Variants in PLA2G4C observed in about 807,000 individuals in gnomAD.
PLA2G4C encodes the protein phospholipase A2 group IVC, also known as cytosolic phospholipase A2 gamma.
Under a neutral mutation model 73.8 loss-of-function variants are expected in PLA2G4C, and 64 were observed. The observed-to-expected ratio is 0.87, with a 90% CI of 0.71 to 1.07. PLA2G4C has a LOEUF of 1.07. Among genes scored for constraint, PLA2G4C ranks in the 50% least tolerant of loss-of-function variants. The pLI is 0.00. For synonymous variants in PLA2G4C, 254 were observed against 252.1 expected (o/e 1.01, Z -0.07); for missense variants, 622 against 665.4 (o/e 0.93, Z 0.72).
intron 7 of PLA2G4C, 56 bp from the exon 8 acceptor site, chr19:48,090,473 T>C: frequency 7.7e-7 from 1 of 1,297,490 alleles, no homozygotes; most frequent in Non-Finnish European, 1.1e-6. Context: ...ACTGTCATGT[T>C]TGATATTCAA....
Position 48,054,877 on chromosome 19 carries a change from C to T in PLA2G4C, c.1429+1G>A. 6.2e-7 allele frequency: 1 copy of T among 1,613,922 alleles called. No homozygotes were observed. Among genetic ancestry groups the T allele is most frequent in the Non-Finnish European group, 8.5e-7 (1 of 1,179,922 alleles). On this transcript the variant is annotated splice_donor_variant, in intron 15 of 16. Transcript: ENST00000599921. LOFTEE classifies it high-confidence loss of function. ...CTCACCTGCTCCTCCCCTGCACCTA[C>T]CTCCACAGGCATCTATGTTGAACAG...
At chr19:48,076,735 T>C (rs1479262075) in intron 11 of PLA2G4C, among the ~76,000 whole-genome samples, 1 of 142,064 alleles carries the variant, frequency 7.0e-6, no homozygotes, top group Non-Finnish European at 1.5e-5. Flanking sequence ...ACGGCTAGAC[T>C]CTGTCTCCAA....
intron 14 of PLA2G4C, among the ~76,000 whole-genome samples, chr19:48,055,867 G>C (rs189750386): frequency 6.6e-6 from 1 of 151,884 alleles, no homozygotes; most frequent in Non-Finnish European, 1.5e-5. Flanking sequence ...CAGGTGATCC[G>C]CTCGTCTCAG....
Position 48,105,932 on chromosome 19 carries a change from TCCCTCCCTCCC to T in PLA2G4C, c.9-499_9-489del, listed in dbSNP as rs1568457540. ...CTCCCTCCCTCCCTCCCTCCCTCCC[TCCCTCCCTCCC>T]TCCCTTCTTTCTTTCTTTCTTTCTT... On this transcript the variant is annotated intron_variant, in intron 2 of 16. Transcript: ENST00000599921. Among the ~76,000 whole-genome samples the T allele has an allele frequency of 1.8e-3, 56 of 30,662 alleles. 7 individuals are homozygous for T. Among genetic ancestry groups the T allele is most frequent in the South Asian group, 2.2e-3 (1 of 448 alleles). 20.1% of individuals were successfully genotyped at this position (30,662 alleles called of 152,430 possible). A position where few individuals can be genotyped will look rare whatever the true frequency, so the allele number is the denominator to read the frequency against.
Position 48,110,594 on chromosome 19 carries a change from T to A in PLA2G4C, c.-140A>T, listed in dbSNP as rs2122192549. 2 of 390,954 alleles carry A rather than the reference T, an allele frequency of 5.1e-6. No individual in the cohort carries two copies. The highest frequency in any genetic ancestry group is 3.3e-6 in the Non-Finnish European group (1 of 300,450). The allele number at this position is 390,954 out of a possible 1,614,324, so 24.2% of individuals were successfully genotyped here. ...CTTAGCGGTGTAGTCGCTGGACAGCTCCTTCAGCCGGAATCTCCGCGGGTG... is the reference window on the plus strand; with the variant it reads ...CTTAGCGGTGTAGTCGCTGGACAGCACCTTCAGCCGGAATCTCCGCGGGTG... On this transcript the variant is annotated 5_prime_UTR_variant, in exon 1 of 17. Coordinates refer to ENST00000599921, the MANE Select transcript of PLA2G4C (RefSeq NM_003706.3).
At chr19:48,089,661 A>G (rs1361842338) in intron 8 of PLA2G4C, among the ~76,000 whole-genome samples, 1 of 152,136 alleles carries the variant, frequency 6.6e-6, no homozygotes, top group Non-Finnish European at 1.5e-5. Context: ...ACTACGTACT[A>G]TTGTCTCCAT....
chr19:48,076,495 C>A (rs1241238028), intron 11 of PLA2G4C, among the ~76,000 whole-genome samples: 2 of 152,176 alleles, frequency 1.3e-5, no homozygotes, highest in Non-Finnish European at 2.9e-5. Context: ...GTAATCCCAG[C>A]ACTTTGGGAG....
intron 6 of PLA2G4C, chr19:48,097,039 C>T (rs1242535195): frequency 6.6e-6 from 1 of 151,656 alleles, no homozygotes; most frequent in Non-Finnish European, 1.5e-5. Context: ...CCTGTAATCC[C>T]AGCTACTCGG....
rs548688675 is a variant in PLA2G4C at position 48,098,713 on chromosome 19, T to TAAAAAAAAAAAAAAAA, written c.448-470_448-455dup. ...GAGCAAAAAAGCGAAACCCTATCTC[T>TAAAAAAAAAAAAAAAA]AAAAAAAAAAAAAAAAAAAAAAAAA... On this transcript the variant is annotated intron_variant, in intron 5 of 16. Coordinates refer to ENST00000599921, the MANE Select transcript of PLA2G4C (RefSeq NM_003706.3). Among the ~76,000 whole-genome samples the TAAAAAAAAAAAAAAAA allele has an allele frequency of 5.2e-4, 16 of 30,904 alleles. 3 individuals carry two copies. Among genetic ancestry groups the TAAAAAAAAAAAAAAAA allele is most frequent in the Non-Finnish European group, 8.9e-4 (15 of 16,872 alleles). The allele number at this position is 30,904 out of a possible 152,430, so 20.3% of individuals were successfully genotyped here. A position where few individuals can be genotyped will look rare whatever the true frequency, so the allele number is the denominator to read the frequency against.
intron 14 of PLA2G4C, among the ~76,000 whole-genome samples, chr19:48,058,501 T>C (rs945651333): frequency 9.2e-5 from 14 of 152,126 alleles, no homozygotes; most frequent in Admixed American, 2.6e-4. Flanking sequence ...CAGAGGAATT[T>C]ACTGTCATAA....
At chr19:48,101,193 T>G (rs1007468489) in intron 4 of PLA2G4C, among the ~76,000 whole-genome samples, 5 of 148,630 alleles carry the variant, frequency 3.4e-5, no homozygotes, top group Non-Finnish European at 5.9e-5. Context: ...GGCATGATCT[T>G]GGCTCACTGC....
rs538518154 is a variant in PLA2G4C, at chr19:48,098,866, C to T, written c.448-607G>A. On this transcript the variant is annotated intron_variant, in intron 5 of 16. Transcript: ENST00000599921. ...GCAGTGAGCTGTGATTGCACCACTGCACTCCAGCCTGGACGACAGAGTGAA... is the reference window on the plus strand; with the variant it reads ...GCAGTGAGCTGTGATTGCACCACTGTACTCCAGCCTGGACGACAGAGTGAA... Among the ~76,000 whole-genome samples, 5 of 151,044 alleles carry T rather than the reference C, an allele frequency of 3.3e-5. No individual in the cohort carries two copies. In the East Asian group the frequency reaches 9.8e-4, roughly 30 times the overall value.
chr19:48,081,200 T>C (rs2030542917), intron 10 of PLA2G4C, among the ~76,000 whole-genome samples: 1 of 150,246 alleles, frequency 6.7e-6, no homozygotes, highest in Non-Finnish European at 1.5e-5. Flanking sequence ...TAAGTGCCCA[T>C]TGACAAATGA....
chr19:48,094,481 C>A (rs953486456), intron 7 of PLA2G4C, among the ~76,000 whole-genome samples: 2 of 152,120 alleles, frequency 1.3e-5, no homozygotes. Context: ...AATTTCCTAC[C>A]ATGTGCTGGA....
intron 13 of PLA2G4C, among the ~76,000 whole-genome samples, chr19:48,066,002 G>A (rs1864107): frequency 0.2 from 30,927 of 151,422 alleles, 3,520 homozygotes; most frequent in African/African-American, 0.31. Flanking sequence ...CAGGAGAATC[G>A]CTTAAACCCA....
At chr19:48,081,500 G>A (rs1369726432) in intron 10 of PLA2G4C, among the ~76,000 whole-genome samples, 2 of 152,138 alleles carry the variant, frequency 1.3e-5, no homozygotes, top group African/African-American at 4.8e-5. Flanking sequence ...GGTCATGCCT[G>A]TAATCCCGGC....
At position 48,048,121 on chromosome 19, in the gene PLA2G4C, G is replaced by A. The variant is rs141232216; in HGVS notation, c.*222C>T. ...CCAGGATCTCCCGAGGGACCTGCAG[G>A]ACAAATTTCACCACCTTCAGCTCCT... On this transcript the variant is annotated 3_prime_UTR_variant, in exon 17 of 17. Coordinates refer to ENST00000599921, the MANE Select transcript of PLA2G4C (RefSeq NM_003706.3). The A allele has an allele frequency of 3.4e-3, 1,807 of 530,194 alleles. 10 individuals carry two copies. Among genetic ancestry groups the A allele is most frequent in the South Asian group, 7.2e-3 (270 of 37,378 alleles). The allele number at this position is 530,194 out of a possible 1,614,324, so 32.8% of individuals were successfully genotyped here.
rs11564521 is a variant in PLA2G4C, at chr19:48,105,487, G to A, written c.9-43C>T. On this transcript the variant is annotated intron_variant, in intron 2 of 16. Transcript: ENST00000599921. ...CAAAGAAGTCCAGAAAATTCACAGGGAAAAGGGATAAAACACAGAATTTGA... is the reference window on the plus strand; with the variant it reads ...CAAAGAAGTCCAGAAAATTCACAGGAAAAAGGGATAAAACACAGAATTTGA... 8.2e-3 allele frequency: 12,163 copies of A among 1,477,314 alleles called. 61 individuals carry two copies. The highest frequency in any genetic ancestry group is 0.01 in the Non-Finnish European group (10,842 of 1,059,972). The allele number at this position is 1,477,314 out of a possible 1,614,324, so 91.5% of individuals were successfully genotyped here.
intron 4 of PLA2G4C, chr19:48,104,334 A>T (rs1244368038): frequency 7.3e-6 from 3 of 410,434 alleles, no homozygotes; most frequent in Non-Finnish European, 8.8e-6. Flanking sequence ...GGTCAGAAGC[A>T]CCAGCGGCTA....
Sources: gnomAD v4.1 joint callset for allele counts (sites outside exome capture counted in the v4.1 genomes callset) on GRCh38, gnomAD v4.1.1 for gene constraint, MANE v1.5 for transcripts, NCBI Gene and HGNC (gene_info 2026-07-23, HGNC 2026-07-21) for gene names.